The following CSGALNACT1 variants were observed in gnomAD, a reference collection of about 807,000 sequenced individuals.
The protein encoded by CSGALNACT1 is chondroitin sulfate N-acetylgalactosaminyltransferase 1.
CSGALNACT1 carries 52 observed loss-of-function variants against 51.0 expected under a neutral mutation model. The observed-to-expected ratio is 1.02, with a 90% CI of 0.82 to 1.29. CSGALNACT1 has a LOEUF of 1.29. CSGALNACT1 is among the 50% of genes most tolerant of loss of function. CSGALNACT1 has a pLI of 0.00. For missense variants in CSGALNACT1, 935 were observed against 679.2 expected (o/e 1.38, Z -4.19); for synonymous variants, 341 against 254.4 (o/e 1.34, Z -3.24).
At chr8:19,624,994 G>C (rs927821545) in intron 1 of CSGALNACT1, among the ~76,000 whole-genome samples, 7 of 152,130 alleles carry the variant, frequency 4.6e-5, no homozygotes, top group Admixed American at 1.3e-4. Flanking sequence ...CCATCTTCTT[G>C]CTTCACTGTC....
rs6991212 is a variant in CSGALNACT1, at chr8:19,419,011, C to T, written c.1133-261G>A. Among the ~76,000 whole-genome samples, 73,436 of 151,818 alleles carry T rather than the reference C, an allele frequency of 0.48. 18,786 individuals carry two copies. The highest frequency in any genetic ancestry group is 0.82 in the East Asian group (4,227 of 5,136). On this transcript the variant is annotated intron_variant, in intron 7 of 9. Coordinates refer to ENST00000454498, the Ensembl canonical transcript of CSGALNACT1. Reference sequence around the variant, plus strand: ...ACAGGTGCCCGCCACCACACCCGGCCAATTTTTTTATTTTAGTAGAGATGG... The same window carrying T: ...ACAGGTGCCCGCCACCACACCCGGCTAATTTTTTTATTTTAGTAGAGATGG...
intron 1 of CSGALNACT1, among the ~76,000 whole-genome samples, chr8:19,626,549 T>C (rs1034453124): frequency 6.6e-6 from 1 of 152,192 alleles, no homozygotes; most frequent in Non-Finnish European, 1.5e-5. Context: ...ATCTTAGGCA[T>C]GACACTGAAA....
At chr8:19,696,343 A>C (rs898609083) in intron 1 of CSGALNACT1, among the ~76,000 whole-genome samples, 2 of 152,236 alleles carry the variant, frequency 1.3e-5, no homozygotes, top group Non-Finnish European at 2.9e-5. Context: ...ACAACTGAAA[A>C]CAACCAACTC....
chr8:19,505,579 G>C (rs1470043614), exon 4 of CSGALNACT1: 1 of 1,613,916 alleles, frequency 6.2e-7, no homozygotes. Flanking sequence ...CTCTCCTGCA[G>C]CTCCTCCTTG....
At position 19,469,833 on chromosome 8, in the gene CSGALNACT1, C is replaced by T. The variant is rs985438656; in HGVS notation, c.635-11191G>A. 3.3e-5 allele frequency among the ~76,000 whole-genome samples: 5 copies of T among 152,236 alleles called. No homozygotes were observed. The South Asian group carries it at 8.3e-4, about 25-fold the overall frequency. ...TGAATGTGTTTACTGCTTATCTATG[C>T]GTTACTCTTCCTGCCATGGGAAGGT... is the stretch of plus-strand genomic sequence containing the variant. On this transcript the variant is annotated intron_variant, in intron 4 of 9. Transcript: ENST00000454498.
At chr8:19,555,247 T>TA (rs1042610668) in intron 3 of CSGALNACT1, among the ~76,000 whole-genome samples, 10 of 150,626 alleles carry the variant, frequency 6.6e-5, no homozygotes, top group South Asian at 2.1e-4. Context: ...TCAAAAAAAT[T>TA]AAAAAAAAGA....
At chr8:19,716,615 A>C (rs2062824825) in intron 1 of CSGALNACT1, among the ~76,000 whole-genome samples, 1 of 129,726 alleles carries the variant, frequency 7.7e-6, no homozygotes, top group South Asian at 2.4e-4. Context: ...CTCTCTACAA[A>C]AAAAAAAAAA....
Position 19,666,983 on chromosome 8 carries a change from G to GA in CSGALNACT1, c.-544+15489dup, listed in dbSNP as rs1382377488. 2.2e-3 allele frequency among the ~76,000 whole-genome samples: 42 copies of GA among 18,912 alleles called. 1 individual carries two copies. The highest frequency in any genetic ancestry group is 0.042 in the Middle Eastern group (1 of 24). The allele number at this position is 18,912 out of a possible 152,430, so 12.4% of individuals were successfully genotyped here. A position where few individuals can be genotyped will look rare whatever the true frequency, so the allele number is the denominator to read the frequency against. The stretch of plus-strand genomic sequence containing the variant: ...AGAAAGAAAGAAAGAAAGAAAGAAA[G>GA]AAAGAAAGAAAGAAAGAAAGAAAGA... On this transcript the variant is annotated intron_variant, in intron 1 of 9. Coordinates refer to the CSGALNACT1 transcript ENST00000332246.
intron 1 of CSGALNACT1, among the ~76,000 whole-genome samples, chr8:19,679,251 G>A (rs367758284): frequency 5.9e-5 from 9 of 151,978 alleles, no homozygotes; most frequent in African/African-American, 2.2e-4. Context: ...TCAGGAGTTC[G>A]AGGCCAGCCT....
At chr8:19,531,437 G>A (rs888443421) in intron 3 of CSGALNACT1, among the ~76,000 whole-genome samples, 1 of 152,196 alleles carries the variant, frequency 6.6e-6, no homozygotes, top group Non-Finnish European at 1.5e-5. Flanking sequence ...CCTAGCTGGA[G>A]CCACAGCTTT....
intron 3 of CSGALNACT1, among the ~76,000 whole-genome samples, chr8:19,506,442 T>C (rs1270688514): frequency 1.3e-5 from 2 of 152,218 alleles, no homozygotes; most frequent in African/African-American, 4.8e-5. Context: ...AATTTCTGCA[T>C]AGTGGCGCAA....
chr8:19,443,444 C>T (rs768657092), intron 5 of CSGALNACT1, among the ~76,000 whole-genome samples: 4 of 152,100 alleles, frequency 2.6e-5, no homozygotes, highest in Admixed American at 6.5e-5. Context: ...AAGACTGGGT[C>T]ATTTATAAAG....
At chr8:19,728,365 A>G (rs2063515690) in intron 1 of CSGALNACT1, among the ~76,000 whole-genome samples, 1 of 152,202 alleles carries the variant, frequency 6.6e-6, no homozygotes, top group South Asian at 2.1e-4. Context: ...AAAAGTGAAT[A>G]AGAATGCAGG....
chr8:19,562,834 T>G (rs2041077733), intron 3 of CSGALNACT1, among the ~76,000 whole-genome samples: 1 of 152,176 alleles, frequency 6.6e-6, no homozygotes, highest in Non-Finnish European at 1.5e-5. Flanking sequence ...GTGGTAGGAA[T>G]GTAAATTAGT....
At chr8:19,591,106 G>A (rs149637133) in intron 3 of CSGALNACT1, 2 of 152,324 alleles carry the variant, frequency 1.3e-5, no homozygotes, top group African/African-American at 4.8e-5. Flanking sequence ...GAATAGGAAG[G>A]GTTCTTTTTC....
At chr8:19,690,139 G>C (rs577249162) in intron 1 of CSGALNACT1, among the ~76,000 whole-genome samples, 1 of 152,288 alleles carries the variant, frequency 6.6e-6, no homozygotes, top group Admixed American at 6.5e-5. Flanking sequence ...TTTTGGAAAA[G>C]GTTCAAAGCA....
At chr8:19,534,247 T>C (rs1202697144) in intron 3 of CSGALNACT1, among the ~76,000 whole-genome samples, 1 of 151,796 alleles carries the variant, frequency 6.6e-6, no homozygotes, top group Non-Finnish European at 1.5e-5. Flanking sequence ...AGGTCAGGAG[T>C]TCGAGACTAG....
chr8:19,579,945 G>C (rs1006819352), intron 3 of CSGALNACT1, among the ~76,000 whole-genome samples: 1 of 152,212 alleles, frequency 6.6e-6, no homozygotes, highest in African/African-American at 2.4e-5. Flanking sequence ...AGGAGGAGGA[G>C]GAAGAGGAGG....
chr8:19,515,873 G>C (rs1028113514), intron 3 of CSGALNACT1, among the ~76,000 whole-genome samples: 5 of 152,164 alleles, frequency 3.3e-5, no homozygotes, highest in Admixed American at 3.3e-4. Context: ...GGCATGGGTG[G>C]TGGTCATGGA....
Sources: gnomAD v4.1 joint callset for allele counts (sites outside exome capture counted in the v4.1 genomes callset) on GRCh38, gnomAD v4.1.1 for gene constraint, MANE v1.5 for transcripts, NCBI Gene and HGNC (gene_info 2026-07-23, HGNC 2026-07-21) for gene names.